Variants in TDRP observed in about 807,000 individuals in gnomAD.
TDRP encodes testis development related protein.
Under a neutral mutation model 10.5 loss-of-function variants are expected in TDRP, and 12 were observed. The ratio of observed to expected loss-of-function variants is 1.15; its 90% CI spans 0.73 to 1.86. TDRP has a LOEUF of 1.86. Among genes scored for constraint, TDRP ranks in the 40% most tolerant of loss-of-function variants. The pLI is 0.00. For missense variants in TDRP, 353 were observed against 229.2 expected, an observed-to-expected ratio of 1.54 and a Z score of -3.49; for synonymous variants, 139 against 95.4, an observed-to-expected ratio of 1.46 and a Z score of -2.67.
intron 1 of TDRP, among the ~76,000 whole-genome samples, chr8:519,378 A>T (rs1455566919): frequency 6.6e-6 from 1 of 152,166 alleles, no homozygotes; most frequent in Non-Finnish European, 1.5e-5. Flanking sequence ...CATGACAGAG[A>T]GTCATGGGAA....
chr8:529,210 T>C (rs985698030), intron 1 of TDRP, among the ~76,000 whole-genome samples: 5 of 152,130 alleles, frequency 3.3e-5, no homozygotes, highest in African/African-American at 1.2e-4. Flanking sequence ...GATCAATACT[T>C]TGCATCCTTC....
At chr8:538,324 T>TTAG (rs1297242899) in intron 1 of TDRP, among the ~76,000 whole-genome samples, 4 of 152,192 alleles carry the variant, frequency 2.6e-5, no homozygotes, top group African/African-American at 9.7e-5. Flanking sequence ...CTGCAGGGAC[T>TTAG]TCTACTGAGG....
intron 1 of TDRP, among the ~76,000 whole-genome samples, chr8:507,333 C>G (rs1328058581): frequency 6.6e-6 from 1 of 152,140 alleles, no homozygotes; most frequent in African/African-American, 2.4e-5. Flanking sequence ...CCTGAGGCTG[C>G]TGGCTTTCAG....
intron 1 of TDRP, among the ~76,000 whole-genome samples, chr8:522,923 G>T (rs191207182): frequency 3.9e-5 from 6 of 152,252 alleles, no homozygotes; most frequent in Middle Eastern, 3.4e-3. Flanking sequence ...TATATCTAAA[G>T]TGAGTATCTT....
intron 1 of TDRP, among the ~76,000 whole-genome samples, chr8:494,821 T>A (rs1801083281): frequency 6.6e-6 from 1 of 152,198 alleles, no homozygotes; most frequent in East Asian, 1.9e-4. Context: ...TCAGTGATGC[T>A]GAGTAATCTA....
At chr8:499,509 G>A (rs982255957) in intron 1 of TDRP, among the ~76,000 whole-genome samples, 38 of 152,142 alleles carry the variant, frequency 2.5e-4, no homozygotes, top group African/African-American at 8.7e-4. Flanking sequence ...AGCTTCCTGA[G>A]CCCCTGCTCT....
intron 1 of TDRP, among the ~76,000 whole-genome samples, chr8:519,440 T>C (rs1315814092): frequency 5.9e-5 from 9 of 152,152 alleles, no homozygotes; most frequent in Admixed American, 2.6e-4. Context: ...TGGATACCTA[T>C]GACATCAACT....
At chr8:535,797 A>AGCGTAGGG (rs1368549016) in intron 1 of TDRP, among the ~76,000 whole-genome samples, 1 of 139,160 alleles carries the variant, frequency 7.2e-6, no homozygotes. Context: ...GGCAGGTCTC[A>AGCGTAGGG]GTGTAGGGGT....
chr8:535,582 G>A (rs1243981657), intron 1 of TDRP, among the ~76,000 whole-genome samples: 1 of 152,010 alleles, frequency 6.6e-6, no homozygotes, highest in African/African-American at 2.4e-5. Context: ...CCTAAGACAA[G>A]GCTGATGAGC....
At chr8:529,754 C>G (rs1802137351) in intron 1 of TDRP, among the ~76,000 whole-genome samples, 1 of 152,154 alleles carries the variant, frequency 6.6e-6, no homozygotes, top group Non-Finnish European at 1.5e-5. Flanking sequence ...TATGGGAGCT[C>G]CCTTGTTATA....
intron 1 of TDRP, among the ~76,000 whole-genome samples, chr8:519,541 C>A (rs1448088): frequency 2.6e-5 from 4 of 151,686 alleles, no homozygotes; most frequent in African/African-American, 9.7e-5. Flanking sequence ...TTTTTCATCT[C>A]GTAAAACTCT....
chr8:529,593 G>C (rs1381491922), intron 1 of TDRP, among the ~76,000 whole-genome samples: 3 of 152,098 alleles, frequency 2.0e-5, no homozygotes, highest in African/African-American at 4.8e-5. Context: ...ATCTGGGAAG[G>C]TCTTTATTTG....
At chr8:534,375 C>T (rs1802290105) in intron 1 of TDRP, among the ~76,000 whole-genome samples, 1 of 152,202 alleles carries the variant, frequency 6.6e-6, no homozygotes, top group Non-Finnish European at 1.5e-5. Context: ...AACTTTTCAT[C>T]AACAATGTGT....
At chr8:509,232 T>C (rs972858226) in intron 1 of TDRP, among the ~76,000 whole-genome samples, 3 of 152,194 alleles carry the variant, frequency 2.0e-5, no homozygotes, top group Non-Finnish European at 1.5e-5. Context: ...GATCTGAGGA[T>C]GGTGGCCCTT....
intron 1 of TDRP, among the ~76,000 whole-genome samples, chr8:525,954 C>A (rs1021286770): frequency 7.2e-5 from 11 of 152,110 alleles, no homozygotes; most frequent in African/African-American, 2.4e-4. Context: ...TGCTGGAAGT[C>A]TTTTTATTCT....
chr8:514,822 A>G (rs1801714280), intron 1 of TDRP, among the ~76,000 whole-genome samples: 1 of 152,034 alleles, frequency 6.6e-6, no homozygotes, highest in South Asian at 2.1e-4. Context: ...ACCACCTCTC[A>G]GCCTCCTCCC....
intron 1 of TDRP, among the ~76,000 whole-genome samples, chr8:510,324 G>A (rs573279730): frequency 2.0e-5 from 3 of 152,026 alleles, no homozygotes; most frequent in African/African-American, 7.2e-5. Flanking sequence ...GCTATCTAGG[G>A]GCCCACTTCA....
chr8:500,531 C>T (rs1269006347), intron 1 of TDRP, among the ~76,000 whole-genome samples: 2 of 152,228 alleles, frequency 1.3e-5, no homozygotes, highest in African/African-American at 2.4e-5. Flanking sequence ...CCAAGTGACA[C>T]TCTCAGAAGT....
In TDRP at chr8:492,479, G is replaced by A. The variant is rs935234167; in HGVS notation, c.478C>T (p.Leu160=). ...CTCACCAGCCTCCCTGCCGCGCGCAGGCTCCACCTGGAGCTGTTGGCAGAG... is the reference window on the plus strand; with the variant it reads ...CTCACCAGCCTCCCTGCCGCGCGCAAGCTCCACCTGGAGCTGTTGGCAGAG... ...ASSANSSRWS[L]RAAGRLVSIR... The change falls in exon 3 of 3, where the codon CTG becomes TTG. Residue 160 remains leucine, a synonymous_variant. Transcript: ENST00000324079. 11 of 1,608,914 alleles carry A rather than the reference G, an allele frequency of 6.8e-6. No individual in the cohort carries two copies. In the East Asian group the frequency reaches 8.9e-5, roughly 13 times the overall value.
Sources: gnomAD v4.1 joint callset for allele counts (sites outside exome capture counted in the v4.1 genomes callset) on GRCh38, gnomAD v4.1.1 for gene constraint, MANE v1.5 for transcripts, NCBI Gene and HGNC (gene_info 2026-07-23, HGNC 2026-07-21) for gene names.